HS2ST1: variants seen among roughly 807,000 people sequenced by gnomAD.
HS2ST1 encodes heparan sulfate 2-O-sulfotransferase 1, also known as 2-O-sulfotransferase.
A neutral mutation model predicts 42.9 loss-of-function variants in HS2ST1; 18 were observed. That is an observed-to-expected ratio of 0.42 (90% CI 0.29 to 0.62). HS2ST1 has a LOEUF of 0.62. HS2ST1 is among the 20% of genes least tolerant of loss of function. The pLI, the probability that HS2ST1 is intolerant of heterozygous loss-of-function variation, is 0.21. For missense variants in HS2ST1, 334 were observed against 433.8 expected (o/e 0.77, Z 2.04); for synonymous variants, 146 against 152.9 (o/e 0.95, Z 0.33).
At chr1:87,056,399 C>G (rs1184641836) in intron 1 of HS2ST1, among the ~76,000 whole-genome samples, 1 of 152,096 alleles carries the variant, frequency 6.6e-6, no homozygotes, top group Non-Finnish European at 1.5e-5. Context: ...TGGTCTCTGT[C>G]ATAGCAAGAG....
chr1:86,923,406 T>C (rs1391915187), intron 1 of HS2ST1, among the ~76,000 whole-genome samples: 3 of 151,654 alleles, frequency 2.0e-5, no homozygotes, highest in Non-Finnish European at 4.4e-5. Flanking sequence ...GCCTTTTTTT[T>C]TTTTTTTTGA....
intron 1 of HS2ST1, among the ~76,000 whole-genome samples, chr1:87,023,096 TA>T (rs1184596235): frequency 6.6e-6 from 1 of 152,208 alleles, no homozygotes; most frequent in Non-Finnish European, 1.5e-5. Flanking sequence ...TTGTTCCCAA[TA>T]TGTCAATTGT....
chr1:87,053,044 A>C (rs1650874422), intron 1 of HS2ST1, among the ~76,000 whole-genome samples: 1 of 152,216 alleles, frequency 6.6e-6, no homozygotes, highest in Non-Finnish European at 1.5e-5. Flanking sequence ...ACTGCTTTAG[A>C]ATATGATGCA....
chr1:86,914,796 GC>G lies in HS2ST1; in HGVS notation c.-240del. On this transcript the variant is annotated 5_prime_UTR_variant, in exon 1 of 7. Transcript: ENST00000370550. ...CCGCTTCGCGCTGTTTGCTGCGCGGGCTTTTGGAGGGGGCGGCCGTTTAGTC... is the reference window on the plus strand; with the variant it reads ...CCGCTTCGCGCTGTTTGCTGCGCGGGTTTTGGAGGGGGCGGCCGTTTAGTC... 1.8e-6 allele frequency: 1 copy of G among 550,304 alleles called. No homozygotes were observed. Among genetic ancestry groups the G allele is most frequent in the Non-Finnish European group, 3.2e-6 (1 of 311,034 alleles). 34.1% of individuals were successfully genotyped at this position (550,304 alleles called of 1,614,324 possible).
chr1:87,018,132 CCACACACA>C (rs56401098), intron 1 of HS2ST1, among the ~76,000 whole-genome samples: 101,403 of 149,220 alleles, frequency 0.68, 36,388 homozygotes, highest in East Asian at 0.95. Context: ...TAAATAAAAG[CCACACACA>C]CACACACACA....
chr1:87,049,199 A>G (rs934427396), intron 1 of HS2ST1, among the ~76,000 whole-genome samples: 33 of 151,968 alleles, frequency 2.2e-4, no homozygotes, highest in Admixed American at 2.0e-3. Flanking sequence ...TATTGGCTAC[A>G]GTTGCTTATA....
intron 1 of HS2ST1, among the ~76,000 whole-genome samples, chr1:87,052,254 A>G (rs1388838261): frequency 1.3e-5 from 2 of 148,654 alleles, no homozygotes; most frequent in Non-Finnish European, 1.5e-5. Context: ...CCCTGTCTCA[A>G]AAAAAATTTT....
In HS2ST1 at chr1:87,092,527, T is replaced by C. The variant is rs766624779; in HGVS notation, c.450-4T>C. Reference sequence around the variant, plus strand: ...TTCACCTTTGAAATTTTGTTGTATTTCAGATTTGGTGTGAAGAAGAAACCA... The same window carrying C: ...TTCACCTTTGAAATTTTGTTGTATTCCAGATTTGGTGTGAAGAAGAAACCA... On this transcript the variant is annotated splice_region_variant and splice_polypyrimidine_tract_variant and intron_variant, in intron 3 of 6. Transcript: ENST00000370550. The C allele has an allele frequency of 2.7e-5, 41 of 1,533,612 alleles. No homozygotes were observed. The highest frequency in any genetic ancestry group is 3.5e-5 in the Non-Finnish European group (40 of 1,147,244).
chr1:87,044,893 T>G lies in HS2ST1; in HGVS notation c.125-28041T>G, dbSNP rs558061964. 2.3e-6 allele frequency: 3 copies of G among 1,322,278 alleles called. No homozygotes were observed. The East Asian group carries it at 7.1e-5, about 31-fold the overall frequency. The allele number at this position is 1,322,278 out of a possible 1,614,324, so 81.9% of individuals were successfully genotyped here. A position where few individuals can be genotyped will look rare whatever the true frequency, so the allele number is the denominator to read the frequency against. On this transcript the variant is annotated intron_variant, in intron 1 of 6. Coordinates refer to ENST00000370550, the MANE Select transcript of HS2ST1 (RefSeq NM_012262.4). Reference sequence around the variant, plus strand: ...ATAATCTGGTTCTGCCTAGATAAACTAAGTAGTAAGAGGGCTCTGTTTAGA... The same window carrying G: ...ATAATCTGGTTCTGCCTAGATAAACGAAGTAGTAAGAGGGCTCTGTTTAGA...
intron 1 of HS2ST1, among the ~76,000 whole-genome samples, chr1:87,069,405 A>C (rs1373215454): frequency 6.6e-6 from 1 of 152,240 alleles, no homozygotes; most frequent in African/African-American, 2.4e-5. Context: ...AAGAGGCTGC[A>C]CTAACTAGAT....
At position 86,984,537 on chromosome 1, in the gene HS2ST1, C is replaced by G. The variant is rs190410619; in HGVS notation, c.124+69377C>G. ...TAGATATTATTTAAGATATGCTGAG[C>G]TTAATCGTGTTTTCTTATGGGATTT... is the stretch of plus-strand genomic sequence containing the variant. On this transcript the variant is annotated intron_variant, in intron 1 of 6. Transcript: ENST00000370550. Among the ~76,000 whole-genome samples the G allele has an allele frequency of 5.5e-4, 84 of 152,194 alleles. 2 individuals carry two copies. Among genetic ancestry groups the G allele is most frequent in the Non-Finnish European group, 9.7e-4 (66 of 68,016 alleles).
intron 1 of HS2ST1, among the ~76,000 whole-genome samples, chr1:87,013,652 G>T (rs913176074): frequency 2.0e-5 from 3 of 152,156 alleles, no homozygotes; most frequent in Non-Finnish European, 4.4e-5. Context: ...CAGGAAATGG[G>T]TTTTTCTTTT....
At chr1:86,947,895 CAAG>C (rs1169681759) in intron 1 of HS2ST1, among the ~76,000 whole-genome samples, 3 of 152,040 alleles carry the variant, frequency 2.0e-5, no homozygotes, top group Middle Eastern at 3.4e-3. Context: ...AAGCACATCC[CAAG>C]AAGAAGAGCA....
chr1:86,987,177 C>G (rs1383090465), intron 1 of HS2ST1, among the ~76,000 whole-genome samples: 1 of 147,784 alleles, frequency 6.8e-6, no homozygotes, highest in Non-Finnish European at 1.5e-5. Flanking sequence ...TAAAGTGATT[C>G]TCCTGCCTCA....
At position 87,109,000 on chromosome 1, in the gene HS2ST1, C is replaced by T. The variant is rs1324086726; in HGVS notation, c.*4304C>T. The T allele has an allele frequency of 6.6e-6, 1 of 152,420 alleles. No individual in the cohort carries two copies. The highest frequency in any genetic ancestry group is 6.6e-5 in the Admixed American group (1 of 15,234). 9.4% of individuals were successfully genotyped at this position (152,420 alleles called of 1,614,324 possible). A position where few individuals can be genotyped will look rare whatever the true frequency, so the allele number is the denominator to read the frequency against. On this transcript the variant is annotated 3_prime_UTR_variant, in exon 7 of 7. Transcript: ENST00000370550. ...ACTTTCTCTCTTCTCTCTCCCTGCC[C>T]TCCCCCACTCCATTCAGTTGATTCA... is the stretch of plus-strand genomic sequence containing the variant.
rs375653734 is a variant in HS2ST1 at position 86,923,687 on chromosome 1, C to T, written c.124+8527C>T. 3.2e-3 allele frequency among the ~76,000 whole-genome samples: 493 copies of T among 152,306 alleles called. 4 individuals are homozygous for T. Among genetic ancestry groups the T allele is most frequent in the South Asian group, 0.028 (134 of 4,826 alleles). On this transcript the variant is annotated intron_variant, in intron 1 of 6. Coordinates refer to ENST00000370550, the MANE Select transcript of HS2ST1 (RefSeq NM_012262.4). ...CTGGGATTACAGGTGTGAGCCACTTCGCCTGGCGGGAATGCCTCTTTTTAA... is the reference window on the plus strand; with the variant it reads ...CTGGGATTACAGGTGTGAGCCACTTTGCCTGGCGGGAATGCCTCTTTTTAA...
At chr1:86,935,724 A>G (rs1267797395) in intron 1 of HS2ST1, among the ~76,000 whole-genome samples, 1 of 152,032 alleles carries the variant, frequency 6.6e-6, no homozygotes, top group Non-Finnish European at 1.5e-5. Flanking sequence ...TCGGCCTCCT[A>G]AAGTGCTGGA....
intron 1 of HS2ST1, among the ~76,000 whole-genome samples, chr1:87,031,874 AT>A (rs946059404): frequency 1.3e-5 from 2 of 152,216 alleles, no homozygotes; most frequent in African/African-American, 2.4e-5. Flanking sequence ...TAAAGAAAAA[AT>A]GAAATGTTTA....
intron 1 of HS2ST1, among the ~76,000 whole-genome samples, chr1:86,970,925 G>A (rs1384753025): frequency 6.6e-6 from 1 of 152,068 alleles, no homozygotes; most frequent in Non-Finnish European, 1.5e-5. Flanking sequence ...TATAATAGAT[G>A]CCAGTTAGCA....
Sources: gnomAD v4.1 joint callset for allele counts (sites outside exome capture counted in the v4.1 genomes callset) on GRCh38, gnomAD v4.1.1 for gene constraint, MANE v1.5 for transcripts, NCBI Gene and HGNC (gene_info 2026-07-23, HGNC 2026-07-21) for gene names.